Variants in MYBL1 observed in about 807,000 individuals in gnomAD.
MYBL1 encodes the protein MYB proto-oncogene like 1, also known as myb-related protein A.
In MYBL1, 17 loss-of-function variants were observed where a neutral mutation model predicts 96.3. The observed-to-expected ratio is 0.18, with a 90% CI of 0.12 to 0.26. The LOEUF is 0.26. Among genes scored for constraint, MYBL1 ranks in the 10% least tolerant of loss-of-function variants. The pLI, the probability that MYBL1 is intolerant of heterozygous loss-of-function variation, is 1.00. For synonymous variants in MYBL1, 282 were observed against 292.7 expected, an observed-to-expected ratio of 0.96 and a Z score of 0.37; for missense variants, 701 against 882.9, an observed-to-expected ratio of 0.79 and a Z score of 2.61.
intron 8 of MYBL1, among the ~76,000 whole-genome samples, chr8:66,588,433 T>C (rs1034866380): frequency 1.3e-5 from 2 of 151,840 alleles, no homozygotes; most frequent in African/African-American, 2.4e-5. Context: ...GAGCGCACCA[T>C]CACACCTGAT....
intron 1 of MYBL1, among the ~76,000 whole-genome samples, chr8:66,604,485 C>T (rs1325295320): frequency 6.6e-6 from 1 of 150,428 alleles, no homozygotes; most frequent in Non-Finnish European, 1.5e-5. Context: ...CCAGCCTGGG[C>T]AACCAAGAGA....
chr8:66,600,661 G>A (rs183258669), intron 3 of MYBL1, among the ~76,000 whole-genome samples: 6 of 152,130 alleles, frequency 3.9e-5, no homozygotes, highest in East Asian at 1.9e-4. Context: ...ATTTTTCCAC[G>A]CTCATGGAGC....
At chr8:66,583,863 T>C (rs1369826563) in intron 8 of MYBL1, among the ~76,000 whole-genome samples, 1 of 152,200 alleles carries the variant, frequency 6.6e-6, no homozygotes, top group Non-Finnish European at 1.5e-5. Context: ...AATGGCTTCA[T>C]TGCAGAATTC....
chr8:66,568,809 G>A (rs1195001896), intron 12 of MYBL1, among the ~76,000 whole-genome samples: 1 of 151,778 alleles, frequency 6.6e-6, no homozygotes, highest in East Asian at 2.0e-4. Context: ...GGCAGATCAC[G>A]AGGTCAGGAG....
At chr8:66,588,045 T>A (rs1379414405) in intron 8 of MYBL1, among the ~76,000 whole-genome samples, 1 of 152,156 alleles carries the variant, frequency 6.6e-6, no homozygotes, top group African/African-American at 2.4e-5. Context: ...GTAATCTTAT[T>A]TCATTTCATT....
intron 8 of MYBL1, among the ~76,000 whole-genome samples, chr8:66,590,639 C>T (rs919205087): frequency 6.6e-6 from 1 of 150,952 alleles, no homozygotes; most frequent in Non-Finnish European, 1.5e-5. Flanking sequence ...GCCAAGATTG[C>T]ACCACTGCAC....
intron 8 of MYBL1, among the ~76,000 whole-genome samples, chr8:66,587,008 G>A (rs1309750993): frequency 2.0e-5 from 3 of 152,140 alleles, no homozygotes; most frequent in Admixed American, 6.6e-5. Context: ...TAGAAGTATA[G>A]AGAAGAATAG....
intron 9 of MYBL1, among the ~76,000 whole-genome samples, chr8:66,578,562 A>C (rs1469501556): frequency 2.0e-5 from 3 of 151,012 alleles, no homozygotes; most frequent in Admixed American, 1.3e-4. Context: ...AATGGCAATC[A>C]TTAAAAAGTC....
In MYBL1 at chr8:66,570,258, T is replaced by C. The variant is rs557672748; in HGVS notation, c.1728+2224A>G. On this transcript the variant is annotated intron_variant, in intron 12 of 15. Coordinates refer to ENST00000522677, the MANE Select transcript of MYBL1 (RefSeq NM_001080416.4). ...AAATGTCAGAAGGCTAGTAAACAAA[T>C]GGACAAGGACTTTAGGTATTTGAAA... Among the ~76,000 whole-genome samples the C allele has an allele frequency of 1.5e-4, 23 of 152,114 alleles. No homozygotes were observed. The South Asian group carries it at 4.8e-3, about 32-fold the overall frequency.
chr8:66,572,998 T>C (rs1808795869), intron 11 of MYBL1, among the ~76,000 whole-genome samples: 1 of 152,034 alleles, frequency 6.6e-6, no homozygotes, highest in African/African-American at 2.4e-5. Context: ...GCAGATCACC[T>C]GAGGTCAGAA....
At chr8:66,597,157 C>T (rs995659865) in intron 5 of MYBL1, among the ~76,000 whole-genome samples, 173 bp downstream of exon 5, 1 of 152,046 alleles carries the variant, frequency 6.6e-6, no homozygotes, top group Non-Finnish European at 1.5e-5. Context: ...TAATCATACC[C>T]TTTACCACAG....
intron 5 of MYBL1, 111 bp from the exon 6 acceptor site, chr8:66,595,868 T>C (rs1809831371): frequency 1.6e-6 from 1 of 612,322 alleles, no homozygotes; most frequent in Non-Finnish European, 2.6e-6. Flanking sequence ...TGAAATTAGA[T>C]ACTTTTTTCT....
At chr8:66,579,173 A>G (rs1210107015) in intron 9 of MYBL1, among the ~76,000 whole-genome samples, 1 of 152,082 alleles carries the variant, frequency 6.6e-6, no homozygotes, top group East Asian at 1.9e-4. Context: ...TGGCACACGT[A>G]TACATATGTA....
chr8:66,605,836 GA>G (rs1426836627), intron 1 of MYBL1, among the ~76,000 whole-genome samples: 1 of 152,006 alleles, frequency 6.6e-6, no homozygotes, highest in Admixed American at 6.6e-5. Context: ...TAAGTAAACT[GA>G]ATTAGAGGAT....
chr8:66,571,273 C>G (rs997668186), intron 12 of MYBL1, among the ~76,000 whole-genome samples: 1 of 152,120 alleles, frequency 6.6e-6, no homozygotes, highest in Non-Finnish European at 1.5e-5. Flanking sequence ...CCTATTCATT[C>G]GTGAACTACT....
At position 66,564,119 on chromosome 8, in the gene MYBL1, A is replaced by G. The variant is rs1247109605; in HGVS notation, c.*578T>C. On this transcript the variant is annotated 3_prime_UTR_variant, in exon 16 of 16. Coordinates refer to ENST00000522677, the MANE Select transcript of MYBL1 (RefSeq NM_001080416.4). ...TCTTTTTTGAATGCTTTTTGTTTTC[A>G]GTACTATGCTCAAATAAATACATTT... The G allele has an allele frequency of 6.6e-6, 1 of 152,278 alleles. No homozygotes were observed. Among genetic ancestry groups the G allele is most frequent in the African/African-American group, 2.4e-5 (1 of 41,410 alleles). The allele number at this position is 152,278 out of a possible 1,614,324, so 9.4% of individuals were successfully genotyped here.
intron 10 of MYBL1, among the ~76,000 whole-genome samples, chr8:66,575,781 C>T (rs539885525): frequency 1.3e-5 from 2 of 152,112 alleles, no homozygotes; most frequent in East Asian, 3.9e-4. Flanking sequence ...CAAAGTGAGT[C>T]CCTGTCTCCA....
intron 8 of MYBL1, among the ~76,000 whole-genome samples, chr8:66,589,002 G>A (rs939592790): frequency 4.6e-5 from 7 of 152,116 alleles, no homozygotes; most frequent in Non-Finnish European, 8.8e-5. Flanking sequence ...CCGGGCGACA[G>A]TGTAAGACTC....
intron 4 of MYBL1, among the ~76,000 whole-genome samples, chr8:66,597,869 A>C (rs1809914417): frequency 6.6e-6 from 1 of 150,996 alleles, no homozygotes; most frequent in African/African-American, 2.4e-5. Context: ...AAAAAAAAAA[A>C]AAAACGCTTC....
Sources: allele counts gnomAD v4.1 joint callset (sites outside exome capture counted in the v4.1 genomes callset), GRCh38; gene constraint gnomAD v4.1.1; transcripts MANE v1.5; gene names NCBI Gene and HGNC (gene_info 2026-07-23, HGNC 2026-07-21).